Variants in RGPD3 observed in about 807,000 individuals in gnomAD.
The protein encoded by RGPD3 is RANBP2 like and GRIP domain containing 3.
Under a neutral mutation model 154.5 loss-of-function variants are expected in RGPD3, and 62 were observed. The ratio of observed to expected loss-of-function variants is 0.40; its 90% CI spans 0.33 to 0.50. The LOEUF is 0.50. Among genes scored for constraint, RGPD3 ranks in the 20% least tolerant of loss-of-function variants. The pLI, the probability that RGPD3 is intolerant of heterozygous loss-of-function variation, is 0.59. For synonymous variants in RGPD3, 308 were observed against 607.0 expected (o/e 0.51, Z 7.24); for missense variants, 919 against 1,716.8 (o/e 0.54, Z 8.21).
Position 106,423,867 on chromosome 2 carries a change from T to C in RGPD3, c.4100A>G (p.Tyr1367Cys), listed in dbSNP as rs1435145273. 2.0e-5 allele frequency: 32 copies of C among 1,611,892 alleles called. No individual in the cohort carries two copies. The highest frequency in any genetic ancestry group is 2.6e-5 in the Non-Finnish European group (31 of 1,179,874). Residue 1367 changes from tyrosine to cysteine, a missense_variant, in exon 20 of 23, where the codon TAT (tyrosine) becomes TGT (cysteine). By Grantham distance (194) the Tyr-to-Cys change is radical. Transcript: ENST00000409886. ...TTTCCATTGACCAACATCTTTATCA[T>C]ATCTGTAGAATTCTGCCCTGTGACT... is the stretch of plus-strand genomic sequence containing the variant. ...VFSHRAEFYRYDKDVGQWKER... is the reference protein window; with the variant it reads ...VFSHRAEFYRCDKDVGQWKER...
At chr2:106,465,437 C>T (rs1024584150) in intron 1 of RGPD3, among the ~76,000 whole-genome samples, 11 of 152,236 alleles carry the variant, frequency 7.2e-5, no homozygotes, top group Middle Eastern at 3.4e-3. Context: ...GCCACCACTC[C>T]ACTTTATTTA....
chr2:106,444,750 G>A (rs1473958947), intron 7 of RGPD3, among the ~76,000 whole-genome samples: 1 of 150,932 alleles, frequency 6.6e-6, no homozygotes, highest in Non-Finnish European at 1.5e-5. Context: ...GATCACTTGA[G>A]CCCAGGAGTT....
At chr2:106,466,972 G>T (rs1411890682) in intron 1 of RGPD3, among the ~76,000 whole-genome samples, 7 of 125,424 alleles carry the variant, frequency 5.6e-5, no homozygotes, top group African/African-American at 1.6e-4. Flanking sequence ...CGAGGCCGCC[G>T]CAGGGCCAGG....
Position 106,468,346 on chromosome 2 carries a change from C to T in RGPD3, c.-58G>A, listed in dbSNP as rs1464240374. ...GACCAGCGCTCAGCCCCGCAGCAGT[C>T]GCCAATTCCAAGAGGAAAGCGCCTG... On this transcript the variant is annotated 5_prime_UTR_variant, in exon 1 of 23. Coordinates refer to ENST00000409886, the MANE Select transcript of RGPD3 (RefSeq NM_001144013.2). 22 of 1,560,136 alleles carry T rather than the reference C, an allele frequency of 1.4e-5. No homozygotes were observed. Among genetic ancestry groups the T allele is most frequent in the South Asian group, 3.5e-5 (3 of 84,846 alleles).
At chr2:106,408,781 A>G (rs984002216) in intron 22 of RGPD3, among the ~76,000 whole-genome samples, 7 of 152,084 alleles carry the variant, frequency 4.6e-5, no homozygotes, top group African/African-American at 1.4e-4. Context: ...CGAACCCCTT[A>G]TAACAAAGAA....
Position 106,441,378 on chromosome 2 carries a change from A to T in RGPD3, c.981T>A (p.Val327=). The T allele has an allele frequency of 1.3e-6, 2 of 1,489,164 alleles. No homozygotes were observed. Among genetic ancestry groups the T allele is most frequent in the African/African-American group, 2.9e-5 (2 of 69,480 alleles). The allele number at this position is 1,489,164 out of a possible 1,614,324, so 92.2% of individuals were successfully genotyped here. A position where few individuals can be genotyped will look rare whatever the true frequency, so the allele number is the denominator to read the frequency against. ...AALCYLIAFQ[V]PRPKIKLIKG... ...TTATTAATTTAATCTTTGGTCTTGG[A>T]ACCTAATAATTTTAGAATCAAAAAT... Residue 327 remains valine, a splice_region_variant and synonymous_variant, in exon 8 of 23, where the codon GTT becomes GTA. Coordinates refer to ENST00000409886, the MANE Select transcript of RGPD3 (RefSeq NM_001144013.2).
At chr2:106,451,096 A>AAAC (rs1553462316) in intron 6 of RGPD3, among the ~76,000 whole-genome samples, 41 of 147,120 alleles carry the variant, frequency 2.8e-4, no homozygotes, top group African/African-American at 5.5e-4. Context: ...TCAAAAAAAA[A>AAAC]AAAACAAAAA....
At chr2:106,413,567 C>A (rs1676735625) in intron 21 of RGPD3, among the ~76,000 whole-genome samples, 1 of 152,132 alleles carries the variant, frequency 6.6e-6, no homozygotes, top group South Asian at 2.1e-4. Flanking sequence ...TGCATATGAA[C>A]CAAGTGTTGG....
At chr2:106,450,761 T>C (rs1233160011) in intron 6 of RGPD3, among the ~76,000 whole-genome samples, 89 of 113,230 alleles carry the variant, frequency 7.9e-4, no homozygotes, top group Middle Eastern at 5.0e-3. Flanking sequence ...GTCGGGCACC[T>C]GTAGTTCCAC....
intron 22 of RGPD3, among the ~76,000 whole-genome samples, chr2:106,406,141 A>C: frequency 6.8e-6 from 1 of 147,184 alleles, no homozygotes; most frequent in East Asian, 2.1e-4. Context: ...AACTGAACCA[A>C]AACAAACAAA....
At position 106,404,469 on chromosome 2, in the gene RGPD3, A is replaced by AATG. The variant is rs1255539916; in HGVS notation, c.*749_*750insCAT. 7.1e-6 allele frequency among the ~76,000 whole-genome samples: 1 copy of AATG among 141,654 alleles called. No homozygotes were observed. Among genetic ancestry groups the AATG allele is most frequent in the African/African-American group, 2.7e-5 (1 of 36,778 alleles). 92.9% of individuals were successfully genotyped at this position (141,654 alleles called of 152,430 possible). ...TAACTAAACTGTATTTTAACTTAGC[A>AATG]CAATTAACTGCAGCATATTTACTTC... On this transcript the variant is annotated 3_prime_UTR_variant, in exon 23 of 23. Transcript: ENST00000409886.
intron 22 of RGPD3, among the ~76,000 whole-genome samples, chr2:106,412,325 TTTTTTTG>T (rs1676700351): frequency 1.9e-5 from 2 of 107,298 alleles, no homozygotes; most frequent in South Asian, 3.7e-4. Flanking sequence ...TTTTTTTTTT[TTTTTTTG>T]AGATGGAGTC....
rs1244760793 is a variant in RGPD3 at position 106,466,889 on chromosome 2, C to T, written c.72+1328G>A. ...TGAGCCATCGAGGCCGCCGCCGGGC[C>T]GGGTCGAGGCCGCCGCCTCCACAGA... On this transcript the variant is annotated intron_variant, in intron 1 of 22. Coordinates refer to ENST00000409886, the MANE Select transcript of RGPD3 (RefSeq NM_001144013.2). Among the ~76,000 whole-genome samples, 3 of 94,968 alleles carry T rather than the reference C, an allele frequency of 3.2e-5. 1 individual carries two copies. Among genetic ancestry groups the T allele is most frequent in the Non-Finnish European group, 6.6e-5 (3 of 45,394 alleles). The allele number at this position is 94,968 out of a possible 152,430, so 62.3% of individuals were successfully genotyped here.
At chr2:106,428,735 C>T (rs1036113875) in intron 18 of RGPD3, among the ~76,000 whole-genome samples, 9 of 151,158 alleles carry the variant, frequency 6.0e-5, no homozygotes, top group Admixed American at 2.0e-4. Flanking sequence ...AGAAGTCTGT[C>T]GTACATAAAA....
At chr2:106,441,863 CAAAAAAA>C (rs1166971652) in intron 7 of RGPD3, among the ~76,000 whole-genome samples, 37 of 13,626 alleles carry the variant, frequency 2.7e-3, no homozygotes, top group South Asian at 0.026. Context: ...GACTCCATCG[CAAAAAAA>C]AAAAAAAAAA....
Position 106,424,427 on chromosome 2 carries a change from A to T in RGPD3, c.3540T>A (p.His1180Gln), listed in dbSNP as rs1327364450. 2.5e-6 allele frequency: 4 copies of T among 1,609,990 alleles called. No individual in the cohort carries two copies. Among genetic ancestry groups the T allele is most frequent in the Non-Finnish European group, 3.4e-6 (4 of 1,179,786 alleles). ...LLLDIPLQTP[H>Q]KLVDTGRAAK... is the part of the protein sequence containing the mutation. ...CAGCTCTGCCAGTATCTACAAGTTT[A>T]TGGGGAGTTTGAAGTGGTATGTCTA... is the stretch of plus-strand genomic sequence containing the variant. Residue 1180 changes from histidine (H) to glutamine (Q), a missense_variant, in exon 20 of 23, where the codon CAT (histidine) becomes CAA (glutamine). Transcript: ENST00000409886.
At chr2:106,428,628 C>CA (rs961930675) in intron 18 of RGPD3, among the ~76,000 whole-genome samples, 9 of 151,832 alleles carry the variant, frequency 5.9e-5, no homozygotes, top group African/African-American at 1.9e-4. Context: ...TATGAACCAT[C>CA]ACACAAATGT....
chr2:106,427,387 C>T (rs1677234556), intron 18 of RGPD3, among the ~76,000 whole-genome samples: 1 of 151,080 alleles, frequency 6.6e-6, no homozygotes, highest in Admixed American at 6.6e-5. Context: ...AAAAAAATCA[C>T]ATTAACATTC....
At chr2:106,469,599 C>T (rs752100093), upstream of RGPD3, among the ~76,000 whole-genome samples, 364 of 152,372 alleles carry the variant, frequency 2.4e-3, 1 homozygote, top group South Asian at 5.0e-3. Context: ...AACCACTTTT[C>T]TCCAGGCTTC....
Sources: gnomAD v4.1 joint callset for allele counts (sites outside exome capture counted in the v4.1 genomes callset) on GRCh38, gnomAD v4.1.1 for gene constraint, MANE v1.5 for transcripts, NCBI Gene and HGNC (gene_info 2026-07-23, HGNC 2026-07-21) for gene names.